Variants in RABGAP1L observed in about 807,000 individuals in gnomAD.
RABGAP1L encodes RAB GTPase activating protein 1 like.
Under a neutral mutation model 137.7 loss-of-function variants are expected in RABGAP1L, and 63 were observed. The observed-to-expected ratio is 0.46, with a 90% confidence interval of 0.37 to 0.56. The LOEUF is 0.56. Among genes scored for constraint, RABGAP1L ranks in the 20% least tolerant of loss-of-function variants. RABGAP1L has a pLI of 0.00. For synonymous variants in RABGAP1L, 431 were observed against 433.7 expected (o/e 0.99, Z 0.08); for missense variants, 1,095 against 1,244.0 (o/e 0.88, Z 1.80).
At chr1:174,289,236 T>G (rs1676354441) in intron 10 of RABGAP1L, among the ~76,000 whole-genome samples, 1 of 152,076 alleles carries the variant, frequency 6.6e-6, no homozygotes, top group South Asian at 2.1e-4. Flanking sequence ...AGAGACAGGG[T>G]CTTGCTGTTT....
chr1:174,179,225 A>G (rs1344586175), intron 1 of RABGAP1L, among the ~76,000 whole-genome samples: 1 of 151,950 alleles, frequency 6.6e-6, no homozygotes, highest in African/African-American at 2.4e-5. Context: ...AAATACTGTC[A>G]GTTGTTTTCT....
At chr1:174,623,165 C>G (rs1672667978) in intron 13 of RABGAP1L, among the ~76,000 whole-genome samples, 1 of 152,092 alleles carries the variant, frequency 6.6e-6, no homozygotes, top group Admixed American at 6.6e-5. Context: ...TTAACACAGT[C>G]TTGAGGAACT....
At chr1:174,349,370 ACCTC>A (rs1682816712) in intron 11 of RABGAP1L, among the ~76,000 whole-genome samples, 1 of 87,638 alleles carries the variant, frequency 1.1e-5, no homozygotes, top group African/African-American at 4.6e-5. Flanking sequence ...GACCCCCCCC[ACCTC>A]CCTCCCGGAC....
chr1:174,210,620 A>G (rs1454418667), intron 1 of RABGAP1L, among the ~76,000 whole-genome samples: 6 of 152,220 alleles, frequency 3.9e-5, no homozygotes, highest in Non-Finnish European at 8.8e-5. Flanking sequence ...AGAAGGGCAA[A>G]TCTAAAAGTT....
At chr1:174,576,009 G>T (rs1668346786) in intron 13 of RABGAP1L, among the ~76,000 whole-genome samples, 1 of 152,216 alleles carries the variant, frequency 6.6e-6, no homozygotes, top group Non-Finnish European at 1.5e-5. Context: ...CAGAAGTACA[G>T]TATACAGAGA....
chr1:174,810,476 C>T (rs369610250), intron 18 of RABGAP1L, among the ~76,000 whole-genome samples: 3 of 152,268 alleles, frequency 2.0e-5, no homozygotes, highest in African/African-American at 7.2e-5. Context: ...AAACTGAGAC[C>T]CTGTTACAAG....
chr1:174,720,330 G>C (rs187312795), intron 17 of RABGAP1L, among the ~76,000 whole-genome samples: 1 of 150,572 alleles, frequency 6.6e-6, no homozygotes, highest in South Asian at 2.1e-4. Flanking sequence ...TTGAGACAGG[G>C]TCTGGCTCTG....
At chr1:174,175,209 C>G (rs1317436261) in intron 1 of RABGAP1L, among the ~76,000 whole-genome samples, 3 of 152,064 alleles carry the variant, frequency 2.0e-5, no homozygotes, top group African/African-American at 7.2e-5. Flanking sequence ...TATTATATAA[C>G]TGTAGTTAGA....
chr1:174,858,522 T>G (rs375563866), intron 19 of RABGAP1L, among the ~76,000 whole-genome samples: 13 of 152,186 alleles, frequency 8.5e-5, no homozygotes, highest in African/African-American at 3.1e-4. Flanking sequence ...AGTCAGCCAT[T>G]CCAAAACACT....
chr1:174,232,741 A>C (rs1019550177), intron 4 of RABGAP1L, among the ~76,000 whole-genome samples: 2 of 151,194 alleles, frequency 1.3e-5, no homozygotes, highest in Non-Finnish European at 3.0e-5. Context: ...AGCCTGGGCG[A>C]CAGAGCAAGA....
intron 19 of RABGAP1L, among the ~76,000 whole-genome samples, chr1:174,870,545 T>G (rs887443419): frequency 5.3e-5 from 8 of 152,176 alleles, no homozygotes; most frequent in Non-Finnish European, 7.3e-5. Context: ...GACACACCTG[T>G]TTTTTAATCC....
At chr1:174,810,933 T>G (rs1322686373) in intron 18 of RABGAP1L, among the ~76,000 whole-genome samples, 2 of 145,788 alleles carry the variant, frequency 1.4e-5, no homozygotes, top group African/African-American at 2.5e-5. Flanking sequence ...CATCTCTATT[T>G]AAAAAAAAAA....
At chr1:174,695,538 CT>C in intron 15 of RABGAP1L, among the ~76,000 whole-genome samples, 1 of 152,244 alleles carries the variant, frequency 6.6e-6, no homozygotes, top group Non-Finnish European at 1.5e-5. Context: ...AGTCATTGAG[CT>C]TCCTCAAAGT....
rs1206926523 is a variant in RABGAP1L at position 174,833,741 on chromosome 1, T to A, written c.2340+21781T>A. Among the ~76,000 whole-genome samples, 4 of 151,824 alleles carry A rather than the reference T, an allele frequency of 2.6e-5. No homozygotes were observed. The East Asian group carries it at 7.7e-4, about 29-fold the overall frequency. On this transcript the variant is annotated intron_variant, in intron 19 of 25. Coordinates refer to ENST00000681986, the MANE Select transcript of RABGAP1L (RefSeq NM_001366446.1). Reference sequence around the variant, plus strand: ...ATAACAGAAAATATTCCTATCCTCCTGAAGCTTTCAGGATAATGGAAGGGA... The same window carrying A: ...ATAACAGAAAATATTCCTATCCTCCAGAAGCTTTCAGGATAATGGAAGGGA...
chr1:174,856,945 G>T (rs1345036877), intron 19 of RABGAP1L, among the ~76,000 whole-genome samples: 1 of 151,496 alleles, frequency 6.6e-6, no homozygotes, highest in African/African-American at 2.4e-5. Flanking sequence ...AAAAAAGTTA[G>T]ACCTTTGGGT....
intron 11 of RABGAP1L, among the ~76,000 whole-genome samples, chr1:174,348,440 T>TTTTA (rs992230023): frequency 2.6e-4 from 38 of 147,106 alleles, no homozygotes; most frequent in Non-Finnish European, 4.7e-4. Flanking sequence ...TCTATTTATT[T>TTTTA]TTTATTTATT....
intron 13 of RABGAP1L, among the ~76,000 whole-genome samples, chr1:174,414,049 A>G (rs371839425): frequency 1.3e-4 from 20 of 152,298 alleles, no homozygotes; most frequent in African/African-American, 4.3e-4. Flanking sequence ...AAGTGTTTGT[A>G]TATGTAAGTT....
Position 174,444,709 on chromosome 1 carries a change from G to T in RABGAP1L, c.1710+50564G>T, listed in dbSNP as rs185267902. On this transcript the variant is annotated intron_variant, in intron 13 of 25. Coordinates refer to ENST00000681986, the MANE Select transcript of RABGAP1L (RefSeq NM_001366446.1). ...CCAGGAATTTAGCCATTTTTTCTAG[G>T]TTTTCCAGTTTGTTGGCATATATAT... Among the ~76,000 whole-genome samples, 9 of 151,980 alleles carry T rather than the reference G, an allele frequency of 5.9e-5. No individual in the cohort carries two copies. The East Asian group carries it at 1.7e-3, about 29-fold the overall frequency.
rs375996561 is a variant in RABGAP1L at position 174,373,128 on chromosome 1, C to A, written c.1559+2056C>A. Among the ~76,000 whole-genome samples, 5 of 152,142 alleles carry A rather than the reference C, an allele frequency of 3.3e-5. No homozygotes were observed. In the East Asian group the frequency reaches 7.7e-4, roughly 23 times the overall value. ...TATCTGTTTTATTTAGGGTTACTCTCTTCCTTTAAGATGAACAGTTCTCTT... is the reference window on the plus strand; with the variant it reads ...TATCTGTTTTATTTAGGGTTACTCTATTCCTTTAAGATGAACAGTTCTCTT... On this transcript the variant is annotated intron_variant, in intron 12 of 25. Transcript: ENST00000681986.
Sources: gnomAD v4.1 joint callset for allele counts (sites outside exome capture counted in the v4.1 genomes callset) on GRCh38, gnomAD v4.1.1 for gene constraint, MANE v1.5 for transcripts, NCBI Gene and HGNC (gene_info 2026-07-23, HGNC 2026-07-21) for gene names.